Variants in BBX observed in about 807,000 individuals in gnomAD.
The protein encoded by BBX is HMG box transcription factor BBX.
In BBX, 30 loss-of-function variants were observed where a neutral mutation model predicts 100.2. That is an observed-to-expected ratio of 0.30 (90% CI 0.22 to 0.41). The LOEUF is 0.41. Among genes scored for constraint, BBX ranks in the 10% least tolerant of loss-of-function variants. The probability of loss-of-function intolerance (pLI) is 1.00; values close to 1 mark genes in which losing one functional copy is unlikely to be tolerated. For missense variants in BBX, 1,023 were observed against 1,129.8 expected, an observed-to-expected ratio of 0.91 and a Z score of 1.35; for synonymous variants, 376 against 388.1, an observed-to-expected ratio of 0.97 and a Z score of 0.37.
At chr3:107,661,889 A>T in intron 3 of BBX, 2 of 985,308 alleles carry the variant, frequency 2.0e-6, no homozygotes, top group African/African-American at 1.7e-5. Context: ...CATGTTATAG[A>T]TGTGGAGGAT....
At chr3:107,613,844 CTTG>C (rs1243332354) in intron 2 of BBX, among the ~76,000 whole-genome samples, 3 of 150,802 alleles carry the variant, frequency 2.0e-5, no homozygotes, top group South Asian at 2.1e-4. Context: ...TATTTTTTCC[CTTG>C]TTGTTTTTAT....
chr3:107,756,341 A>G (rs1176266420), intron 10 of BBX, among the ~76,000 whole-genome samples: 2 of 152,122 alleles, frequency 1.3e-5, no homozygotes, highest in African/African-American at 2.4e-5. Context: ...ATGCAGAAGA[A>G]ATGTTTTCAG....
chr3:107,651,749 T>A (rs961838645), intron 3 of BBX, among the ~76,000 whole-genome samples: 1 of 152,192 alleles, frequency 6.6e-6, no homozygotes, highest in Non-Finnish European at 1.5e-5. Context: ...ACTTAATTAT[T>A]GTCCTGTCTC....
At chr3:107,787,505 G>A (rs898611944) in intron 13 of BBX, among the ~76,000 whole-genome samples, 2 of 152,150 alleles carry the variant, frequency 1.3e-5, no homozygotes, top group African/African-American at 4.8e-5. Context: ...ACAGGTATAG[G>A]AGTAGTAGTA....
At chr3:107,626,142 A>C (rs1448515238) in intron 2 of BBX, among the ~76,000 whole-genome samples, 1 of 152,238 alleles carries the variant, frequency 6.6e-6, no homozygotes, top group African/African-American at 2.4e-5. Context: ...TTTTTCTAAA[A>C]GTTTAGGAAC....
intron 2 of BBX, among the ~76,000 whole-genome samples, chr3:107,535,518 A>G (rs1385258129): frequency 6.6e-6 from 1 of 151,760 alleles, no homozygotes; most frequent in Admixed American, 6.6e-5. Flanking sequence ...CTGGTATATC[A>G]GTAGAAATTA....
intron 2 of BBX, among the ~76,000 whole-genome samples, chr3:107,584,354 C>A (rs557433315): frequency 2.7e-5 from 4 of 146,588 alleles, no homozygotes; most frequent in Non-Finnish European, 5.9e-5. Context: ...TGAAACAATA[C>A]TATTTTTTCT....
chr3:107,631,213 G>A (rs765598030), intron 2 of BBX, among the ~76,000 whole-genome samples: 8 of 152,186 alleles, frequency 5.3e-5, no homozygotes, highest in African/African-American at 9.6e-5. Context: ...ACTCTGCCCA[G>A]CCTTCTAAGC....
chr3:107,587,821 A>G (rs901737599), intron 2 of BBX, among the ~76,000 whole-genome samples: 10 of 152,230 alleles, frequency 6.6e-5, no homozygotes, highest in African/African-American at 1.7e-4. Context: ...TTTATCTACA[A>G]TCCACCCATT....
intron 3 of BBX, among the ~76,000 whole-genome samples, chr3:107,668,845 A>G (rs1336823994): frequency 6.6e-6 from 1 of 152,192 alleles, no homozygotes; most frequent in Admixed American, 6.6e-5. Context: ...GTTTTCACGC[A>G]AAGGTTCTGG....
At chr3:107,609,330 A>G (rs2054668035) in intron 2 of BBX, among the ~76,000 whole-genome samples, 1 of 152,136 alleles carries the variant, frequency 6.6e-6, no homozygotes, top group Admixed American at 6.5e-5. Flanking sequence ...CCTTAGGGAT[A>G]CTGGCCTATA....
intron 6 of BBX, among the ~76,000 whole-genome samples, chr3:107,731,647 C>T (rs1056123874): frequency 3.3e-5 from 5 of 151,918 alleles, no homozygotes; most frequent in Admixed American, 2.6e-4. Flanking sequence ...CATAGTTTTT[C>T]CTCTAATAAC....
chr3:107,647,653 C>T (rs1057473369), intron 3 of BBX, among the ~76,000 whole-genome samples: 5 of 152,184 alleles, frequency 3.3e-5, no homozygotes, highest in African/African-American at 1.2e-4. Flanking sequence ...GAAGATGTTA[C>T]TTGGCAAAAG....
intron 2 of BBX, among the ~76,000 whole-genome samples, chr3:107,638,233 G>A (rs1056164645): frequency 1.3e-5 from 2 of 151,692 alleles, no homozygotes; most frequent in Non-Finnish European, 2.9e-5. Flanking sequence ...TAAATATTTT[G>A]TACAGGCAGG....
Position 107,710,437 on chromosome 3 carries a change from C to A in BBX, c.-9-15C>A. Reference sequence around the variant, plus strand: ...TCCCTGTTTCCCTGTTTCTCTCTCTCTCTTCCTATTACAGGTCACAGTAAT... The same window carrying A: ...TCCCTGTTTCCCTGTTTCTCTCTCTATCTTCCTATTACAGGTCACAGTAAT... On this transcript the variant is annotated splice_polypyrimidine_tract_variant and intron_variant, in intron 3 of 17. Transcript: ENST00000325805. 6.3e-7 allele frequency: 1 copy of A among 1,579,184 alleles called. No homozygotes were observed. Among genetic ancestry groups the A allele is most frequent in the Non-Finnish European group, 8.6e-7 (1 of 1,159,546 alleles).
At chr3:107,787,613 A>G (rs1291487449) in intron 13 of BBX, among the ~76,000 whole-genome samples, 1 of 152,190 alleles carries the variant, frequency 6.6e-6, no homozygotes, top group African/African-American at 2.4e-5. Flanking sequence ...TATACTTTAA[A>G]TGGGTGAATT....
rs2070028891 is a variant in BBX at position 107,798,723 on chromosome 3, A to T, written c.2551+3A>T. On this transcript the variant is annotated splice_donor_region_variant and intron_variant, in intron 16 of 17. Coordinates refer to ENST00000325805, the MANE Select transcript of BBX (RefSeq NM_001142568.3). Reference sequence around the variant, plus strand: ...ATCACCAGCAGGAGGTACTTTGGGTAAGAAGAGAGAGCTTTAGACCAGAGG... The same window carrying T: ...ATCACCAGCAGGAGGTACTTTGGGTTAGAAGAGAGAGCTTTAGACCAGAGG... 1 of 1,613,574 alleles carries T rather than the reference A, an allele frequency of 6.2e-7. No individual in the cohort carries two copies. Among genetic ancestry groups the T allele is most frequent in the African/African-American group, 1.3e-5 (1 of 74,848 alleles).
chr3:107,610,481 C>T (rs1415581490), intron 2 of BBX, among the ~76,000 whole-genome samples: 2 of 151,992 alleles, frequency 1.3e-5, no homozygotes, highest in Admixed American at 1.3e-4. Context: ...CTCTCTCTTT[C>T]TCTTTAGCTC....
At chr3:107,557,536 T>A (rs1161259985) in intron 2 of BBX, among the ~76,000 whole-genome samples, 1 of 152,252 alleles carries the variant, frequency 6.6e-6, no homozygotes, top group African/African-American at 2.4e-5. Context: ...TGGTAATCTA[T>A]TTTATAGTAA....
Sources: allele counts gnomAD v4.1 joint callset (sites outside exome capture counted in the v4.1 genomes callset), GRCh38; gene constraint gnomAD v4.1.1; transcripts MANE v1.5; gene names NCBI Gene and HGNC (gene_info 2026-07-23, HGNC 2026-07-21).